SNTA1: variants seen among roughly 807,000 people sequenced by gnomAD.
SNTA1 encodes the protein alpha-1-syntrophin.
SNTA1 carries 31 observed loss-of-function variants against 47.1 expected under a neutral mutation model. The observed-to-expected ratio is 0.66, with a 90% CI of 0.49 to 0.89. The LOEUF is 0.89. SNTA1 is among the 40% of genes least tolerant of loss of function. The pLI is 0.00. For missense variants in SNTA1, 575 were observed against 693.0 expected (o/e 0.83, Z 1.91); for synonymous variants, 300 against 313.6 (o/e 0.96, Z 0.46).
At position 33,416,813 on chromosome 20, in the gene SNTA1, C is replaced by T. The variant is rs140728824; in HGVS notation, c.701+906G>A. 3.6e-3 allele frequency among the ~76,000 whole-genome samples: 552 copies of T among 151,744 alleles called. 3 individuals are homozygous for T. Among genetic ancestry groups the T allele is most frequent in the Non-Finnish European group, 5.0e-3 (337 of 67,902 alleles). On this transcript the variant is annotated intron_variant, in intron 3 of 7. Coordinates refer to ENST00000217381, the MANE Select transcript of SNTA1 (RefSeq NM_003098.3). ...ATAATTAGCCAGGCATGGTGGCAGG[C>T]GCCCGTAATCCCAGCTACTTGGGAG...
intron 3 of SNTA1, among the ~76,000 whole-genome samples, chr20:33,416,792 T>C (rs1334629914): frequency 2.6e-5 from 4 of 151,828 alleles, no homozygotes; most frequent in Admixed American, 2.6e-4. Context: ...ATACAAATAA[T>C]TAGCCAGGCA....
chr20:33,431,996 G>T (rs1381319114), intron 2 of SNTA1, among the ~76,000 whole-genome samples: 1 of 152,174 alleles, frequency 6.6e-6, no homozygotes. Flanking sequence ...AGTTTTGTTT[G>T]TGGGGAGTCA....
chr20:33,429,294 C>A (rs1990238090), intron 2 of SNTA1, among the ~76,000 whole-genome samples: 1 of 127,308 alleles, frequency 7.9e-6, no homozygotes, highest in South Asian at 2.6e-4. Flanking sequence ...CCAAGATAGT[C>A]CACTGCACTC....
intron 2 of SNTA1, among the ~76,000 whole-genome samples, chr20:33,430,122 G>A (rs1990266690): frequency 6.6e-6 from 1 of 152,060 alleles, no homozygotes; most frequent in African/African-American, 2.4e-5. Context: ...CGGAAGCCTA[G>A]ATTCAGGGTT....
intron 2 of SNTA1, among the ~76,000 whole-genome samples, chr20:33,428,392 G>C (rs887031270): frequency 6.6e-6 from 1 of 151,844 alleles, no homozygotes; most frequent in Non-Finnish European, 1.5e-5. Context: ...CTGGGCAACA[G>C]AGTGAGACAC....
At chr20:33,432,799 G>A (rs1329129472) in intron 2 of SNTA1, among the ~76,000 whole-genome samples, 1 of 152,220 alleles carries the variant, frequency 6.6e-6, no homozygotes, top group Non-Finnish European at 1.5e-5. Context: ...AGTTGAGGCT[G>A]CAGTGAGCTG....
intron 6 of SNTA1, among the ~76,000 whole-genome samples, chr20:33,409,192 G>A (rs1006929950): frequency 5.3e-5 from 8 of 152,152 alleles, no homozygotes; most frequent in African/African-American, 1.7e-4. Flanking sequence ...CACCGCCCTT[G>A]GAGACCTGCA....
Position 33,408,436 on chromosome 20 carries a change from G to T in SNTA1, c.*71C>A. On this transcript the variant is annotated 3_prime_UTR_variant, in exon 8 of 8. Coordinates refer to ENST00000217381, the MANE Select transcript of SNTA1 (RefSeq NM_003098.3). ...CTTCCCTCAGCCCAGGGGTGAGCAG[G>T]CAGTCGGTGGAGGCCCAGCTCAGGC... 9.2e-7 allele frequency: 1 copy of T among 1,089,626 alleles called. No individual in the cohort carries two copies. Among genetic ancestry groups the T allele is most frequent in the Non-Finnish European group, 1.4e-6 (1 of 708,708 alleles). The allele number at this position is 1,089,626 out of a possible 1,614,324, so 67.5% of individuals were successfully genotyped here. A position where few individuals can be genotyped will look rare whatever the true frequency, so the allele number is the denominator to read the frequency against.
intron 2 of SNTA1, among the ~76,000 whole-genome samples, chr20:33,431,546 G>A (rs1231001571): frequency 2.6e-5 from 4 of 151,832 alleles, no homozygotes; most frequent in Admixed American, 1.3e-4. Context: ...TCAGGAGTTC[G>A]AGACCAGCCT....
chr20:33,438,299 C>CAA (rs111331022), intron 2 of SNTA1, among the ~76,000 whole-genome samples: 4 of 147,754 alleles, frequency 2.7e-5, no homozygotes, highest in African/African-American at 9.9e-5. Flanking sequence ...GATTCCATCT[C>CAA]AAAAAAAAAA....
At chr20:33,414,014 G>A (rs937210791) in intron 3 of SNTA1, among the ~76,000 whole-genome samples, 16 of 149,868 alleles carry the variant, frequency 1.1e-4, no homozygotes, top group African/African-American at 3.9e-4. Flanking sequence ...CAAAGCGGGT[G>A]GATCACCTGA....
In SNTA1 at chr20:33,410,239, G is replaced by A. The variant is rs142483012; in HGVS notation, c.1133C>T (p.Thr378Ile). 5 of 1,613,824 alleles carry A rather than the reference G, an allele frequency of 3.1e-6. No individual in the cohort carries two copies. The African/African-American group carries it at 6.7e-5, about 22-fold the overall frequency. Residue 378 changes from threonine (T) to isoleucine (I), a missense_variant, in exon 6 of 8, where the codon ACT becomes ATT. Thr to Ile is a moderately conservative substitution (Grantham distance 89). Transcript: ENST00000217381. Reference protein sequence around the residue: ...LRTGTRHGVDTHLFSVESPQE... With the variant: ...LRTGTRHGVDIHLFSVESPQE... ...CGGTGACTCCACGCTGAACAGGTGA[G>A]TGTCCACACCGTGACGCGTGCCCGT...
At chr20:33,421,171 CAA>C (rs779903198) in intron 2 of SNTA1, among the ~76,000 whole-genome samples, 40 of 127,396 alleles carry the variant, frequency 3.1e-4, no homozygotes, top group Admixed American at 4.1e-4. Flanking sequence ...TACCCTGTCT[CAA>C]AAAAAAAAAA....
chr20:33,434,327 C>T (rs1990380638), intron 2 of SNTA1, among the ~76,000 whole-genome samples: 1 of 152,134 alleles, frequency 6.6e-6, no homozygotes, highest in African/African-American at 2.4e-5. Flanking sequence ...GTGCCTTCCA[C>T]CACTCCTCCT....
At chr20:33,409,586 G>A (rs1234994679) in intron 6 of SNTA1, among the ~76,000 whole-genome samples, 3 of 151,644 alleles carry the variant, frequency 2.0e-5, no homozygotes, top group Non-Finnish European at 4.4e-5. Context: ...TCAGCTTCCT[G>A]CGTAGCTGGG....
intron 3 of SNTA1, among the ~76,000 whole-genome samples, chr20:33,416,183 C>A (rs991765796): frequency 6.6e-6 from 1 of 152,188 alleles, no homozygotes; most frequent in Non-Finnish European, 1.5e-5. Flanking sequence ...CTCATGGGGG[C>A]AGGCAAGAGG....
At chr20:33,422,438 C>CAA (rs57774332) in intron 2 of SNTA1, among the ~76,000 whole-genome samples, 4,217 of 131,296 alleles carry the variant, frequency 0.032, 199 homozygotes, top group African/African-American at 0.1. Flanking sequence ...GACTCTGTCT[C>CAA]AAAAAAAAAA....
chr20:33,438,514 G>T (rs942156335), intron 2 of SNTA1, among the ~76,000 whole-genome samples: 16 of 152,098 alleles, frequency 1.1e-4, no homozygotes, highest in African/African-American at 3.1e-4. Context: ...TGCCCTAGTC[G>T]CAACAACCCA....
chr20:33,438,860 G>T lies in SNTA1; in HGVS notation c.477C>A (p.Gly159=), dbSNP rs1424820527. The change falls in exon 2 of 8, where the codon GGC becomes GGA. Residue 159 remains glycine (G), a synonymous_variant. Transcript: ENST00000217381. ...DEAVQVLKKT[G]KEVVLEVKYM... ...GCTTACCCTCCAGCACCACCTCCTT[G>T]CCTGTCTTCTTGAGGACCTGCACCG... The T allele has an allele frequency of 6.2e-7, 1 of 1,613,936 alleles. No individual in the cohort carries two copies. Among genetic ancestry groups the T allele is most frequent in the Non-Finnish European group, 8.5e-7 (1 of 1,179,946 alleles).
Sources: allele counts gnomAD v4.1 joint callset (sites outside exome capture counted in the v4.1 genomes callset), GRCh38; gene constraint gnomAD v4.1.1; transcripts MANE v1.5; gene names NCBI Gene and HGNC (gene_info 2026-07-23, HGNC 2026-07-21).